Variants in DSCAM observed in about 807,000 individuals in gnomAD.
DSCAM encodes the protein cell adhesion molecule DSCAM.
A neutral mutation model predicts 217.7 loss-of-function variants in DSCAM; 47 were observed. That is an observed-to-expected ratio of 0.22 (90% confidence interval 0.17 to 0.28). The LOEUF (loss-of-function observed/expected upper bound fraction) is 0.28, where lower values mean the gene tolerates loss of function less well. DSCAM is among the 10% of genes least tolerant of loss of function. DSCAM has a pLI of 1.00. For synonymous variants in DSCAM, 1,056 were observed against 1,015.3 expected (o/e 1.04, Z -0.76); for missense variants, 2,080 against 2,618.3 (o/e 0.79, Z 4.49).
chr21:40,506,739 C>A (rs989980899), intron 3 of DSCAM, among the ~76,000 whole-genome samples: 1 of 152,062 alleles, frequency 6.6e-6, no homozygotes, highest in African/African-American at 2.4e-5. Context: ...CAGGAAGAAG[C>A]GTTTTTAAAA....
At chr21:40,407,786 C>T (rs773388407) in intron 3 of DSCAM, among the ~76,000 whole-genome samples, 2 of 152,172 alleles carry the variant, frequency 1.3e-5, no homozygotes, top group African/African-American at 2.4e-5. Flanking sequence ...GACAAGCTGC[C>T]CTCCAGAACC....
chr21:40,534,582 C>T (rs75824233), intron 3 of DSCAM, among the ~76,000 whole-genome samples: 1,605 of 152,276 alleles, frequency 0.011, 30 homozygotes, highest in African/African-American at 0.034. Context: ...CTTCACTCTG[C>T]AGGATGATGA....
chr21:40,343,033 G>T (rs914823827), intron 6 of DSCAM, among the ~76,000 whole-genome samples: 1 of 151,604 alleles, frequency 6.6e-6, no homozygotes, highest in Admixed American at 6.6e-5. Flanking sequence ...AATCTTTCAC[G>T]TTTGTTTAAA....
intron 11 of DSCAM, among the ~76,000 whole-genome samples, chr21:40,211,964 T>G (rs1436762521): frequency 1.4e-5 from 2 of 141,540 alleles, no homozygotes; most frequent in African/African-American, 5.1e-5. Context: ...ATTCTGAAGC[T>G]TTTTTTTTTT....
At chr21:40,338,415 G>C (rs2074451513) in intron 7 of DSCAM, 39 bp from the exon 8 acceptor site, 1 of 1,585,296 alleles carries the variant, frequency 6.3e-7, no homozygotes, top group South Asian at 1.1e-5. Context: ...ATAATTTAAG[G>C]GTACATCTCA....
intron 3 of DSCAM, among the ~76,000 whole-genome samples, chr21:40,408,671 G>A (rs1474931675): frequency 1.3e-5 from 2 of 152,156 alleles, no homozygotes; most frequent in Non-Finnish European, 2.9e-5. Context: ...GTTTTTGTCT[G>A]TTGATGTGCC....
intron 3 of DSCAM, among the ~76,000 whole-genome samples, chr21:40,374,104 G>A (rs1473000958): frequency 6.6e-6 from 1 of 152,078 alleles, no homozygotes; most frequent in Non-Finnish European, 1.5e-5. Context: ...TCATCATCTT[G>A]ATGTAATCAT....
intron 3 of DSCAM, among the ~76,000 whole-genome samples, chr21:40,498,865 T>C (rs922372321): frequency 6.9e-6 from 1 of 144,500 alleles, no homozygotes; most frequent in African/African-American, 2.5e-5. Context: ...GTACATATTA[T>C]AAGAGAGTAA....
chr21:40,292,747 T>C (rs1223787469), intron 10 of DSCAM, among the ~76,000 whole-genome samples: 1 of 152,086 alleles, frequency 6.6e-6, no homozygotes, highest in African/African-American at 2.4e-5. Context: ...TATCTTTCTT[T>C]TCCTTTTTTT....
chr21:40,589,132 A>G (rs568437995), intron 3 of DSCAM, among the ~76,000 whole-genome samples: 1 of 64,308 alleles, frequency 1.6e-5, no homozygotes, highest in African/African-American at 6.9e-5. Flanking sequence ...TCAACAAGTC[A>G]CTTTTTTCTC....
intron 1 of DSCAM, among the ~76,000 whole-genome samples, chr21:40,782,297 T>A (rs1285864091): frequency 6.6e-6 from 1 of 152,262 alleles, no homozygotes; most frequent in Non-Finnish European, 1.5e-5. Flanking sequence ...TGACCATAAG[T>A]GGCCTCTGCC....
At chr21:40,579,827 C>CA (rs11410124) in intron 3 of DSCAM, among the ~76,000 whole-genome samples, 72,726 of 150,748 alleles carry the variant, frequency 0.48, 17,620 homozygotes, top group Admixed American at 0.56. Flanking sequence ...AGACCTTCAC[C>CA]ACAAAAAAAA....
intron 1 of DSCAM, among the ~76,000 whole-genome samples, chr21:40,728,794 CATT>C (rs2090984077): frequency 1.3e-5 from 2 of 152,336 alleles, no homozygotes; most frequent in African/African-American, 2.4e-5. Context: ...TTTCACCCAT[CATT>C]GTCACATTTA....
chr21:40,250,483 A>T (rs1423957698), intron 11 of DSCAM, among the ~76,000 whole-genome samples: 7 of 152,232 alleles, frequency 4.6e-5, no homozygotes, highest in Non-Finnish European at 7.3e-5. Flanking sequence ...TTTTTTAAAA[A>T]ATTCCACACT....
rs1312560588 is a variant in DSCAM, at chr21:40,012,905, CTCT to C, written c.*126_*128del. On this transcript the variant is annotated 3_prime_UTR_variant, in exon 33 of 33. Coordinates refer to ENST00000400454, the MANE Select transcript of DSCAM (RefSeq NM_001389.5). ...GCACTGTCTGTGGTTTCAGTATTTT[CTCT>C]TTTTTTTTTTTAATATATTTTGGCA... is the stretch of plus-strand genomic sequence containing the variant. 8 of 614,870 alleles carry C rather than the reference CTCT, an allele frequency of 1.3e-5. No homozygotes were observed. The East Asian group carries it at 1.8e-4, about 14-fold the overall frequency. 38.1% of individuals were successfully genotyped at this position (614,870 alleles called of 1,614,324 possible).
intron 1 of DSCAM, among the ~76,000 whole-genome samples, chr21:40,793,805 T>C (rs1290188909): frequency 6.6e-6 from 1 of 152,124 alleles, no homozygotes; most frequent in Non-Finnish European, 1.5e-5. Context: ...CTACCATTTT[T>C]TATAGGCCCA....
At chr21:40,458,984 G>A (rs2075785010) in intron 3 of DSCAM, among the ~76,000 whole-genome samples, 1 of 151,918 alleles carries the variant, frequency 6.6e-6, no homozygotes, top group Non-Finnish European at 1.5e-5. Context: ...CAATGCTCAG[G>A]AGACATTTTA....
chr21:40,437,165 G>A (rs2075590385), intron 3 of DSCAM, among the ~76,000 whole-genome samples: 1 of 152,312 alleles, frequency 6.6e-6, no homozygotes, highest in South Asian at 2.1e-4. Flanking sequence ...TATTTTGATG[G>A]ATGACCTACA....
At chr21:40,097,315 C>T (rs1024869400) in intron 20 of DSCAM, among the ~76,000 whole-genome samples, 17 of 151,894 alleles carry the variant, frequency 1.1e-4, no homozygotes, top group African/African-American at 2.9e-4. Flanking sequence ...TGTGTAATAC[C>T]GCTTGAAAGT....
Sources: gnomAD v4.1 joint callset for allele counts (sites outside exome capture counted in the v4.1 genomes callset) on GRCh38, gnomAD v4.1.1 for gene constraint, MANE v1.5 for transcripts, NCBI Gene and HGNC (gene_info 2026-07-23, HGNC 2026-07-21) for gene names.